Variants in PDE3A observed in about 807,000 individuals in gnomAD.
The protein encoded by PDE3A is phosphodiesterase 3A, also known as cGMP-inhibited 3',5'-cyclic phosphodiesterase 3A.
PDE3A carries 43 observed loss-of-function variants against 98.3 expected under a neutral mutation model. The observed-to-expected ratio is 0.44, with a 90% CI of 0.34 to 0.56. The LOEUF is 0.56. Among genes scored for constraint, PDE3A ranks in the 20% least tolerant of loss-of-function variants. The pLI is 0.01. For synonymous variants in PDE3A, 663 were observed against 567.9 expected, an observed-to-expected ratio of 1.17 and a Z score of -2.38; for missense variants, 1,427 against 1,440.7, an observed-to-expected ratio of 0.99 and a Z score of 0.15.
At chr12:20,371,323 C>T in intron 1 of PDE3A, 1 of 984,074 alleles carries the variant, frequency 1.0e-6, no homozygotes, top group Non-Finnish European at 1.2e-6. Flanking sequence ...CAGATTTGTT[C>T]ACCTCTCTAT....
chr12:20,601,323 A>G (rs1187524502), intron 2 of PDE3A, among the ~76,000 whole-genome samples: 1 of 152,164 alleles, frequency 6.6e-6, no homozygotes, highest in Non-Finnish European at 1.5e-5. Context: ...CCCAATAGGC[A>G]TTAACGTGGA....
intron 15 of PDE3A, among the ~76,000 whole-genome samples, chr12:20,658,816 G>A (rs948480890): frequency 3.9e-5 from 6 of 152,082 alleles, no homozygotes; most frequent in South Asian, 2.1e-4. Flanking sequence ...GAGGCTGGGA[G>A]AAGATTTATC....
intron 1 of PDE3A, among the ~76,000 whole-genome samples, chr12:20,384,595 T>G (rs1591866805): frequency 6.6e-6 from 1 of 151,938 alleles, no homozygotes; most frequent in Non-Finnish European, 1.5e-5. Flanking sequence ...TAGGTAAACA[T>G]ATACTATGGT....
intron 1 of PDE3A, among the ~76,000 whole-genome samples, chr12:20,516,315 A>G (rs1184263463): frequency 1.3e-5 from 2 of 152,130 alleles, no homozygotes; most frequent in African/African-American, 2.4e-5. Context: ...CCGTTGATGA[A>G]TTTCATTTAT....
chr12:20,529,714 T>A (rs1010069063), intron 1 of PDE3A, among the ~76,000 whole-genome samples: 3 of 152,122 alleles, frequency 2.0e-5, no homozygotes, highest in African/African-American at 7.2e-5. Flanking sequence ...CATAGGCCTG[T>A]TGACATCTAG....
chr12:20,369,553 A>G lies in PDE3A; in HGVS notation c.269A>G (p.Glu90Gly), dbSNP rs372953537. 223 of 1,558,582 alleles carry G rather than the reference A, an allele frequency of 1.4e-4. No individual in the cohort carries two copies. The African/African-American group carries it at 2.7e-3, about 19-fold the overall frequency. Reference protein sequence around the residue: ...LVRGEVGCDLEQCKEAAAAEE... With the variant: ...LVRGEVGCDLGQCKEAAAAEE... ...CGCGGGGAGGTCGGCTGTGACCTGG[A>G]GCAGTGTAAGGAGGCGGCGGCGGCG... is the stretch of plus-strand genomic sequence containing the variant. The change falls in exon 1 of 16, where the codon GAG becomes GGG. Residue 90 changes from glutamate (E) to glycine (G), a missense_variant. Transcript: ENST00000359062.
chr12:20,545,477 C>G (rs533582551), intron 1 of PDE3A, among the ~76,000 whole-genome samples: 10 of 152,064 alleles, frequency 6.6e-5, no homozygotes, highest in Non-Finnish European at 1.5e-4. Flanking sequence ...TGGAATTTAG[C>G]TAGTTATCAC....
chr12:20,419,265 T>C (rs915834917), intron 1 of PDE3A, among the ~76,000 whole-genome samples: 4 of 139,076 alleles, frequency 2.9e-5, no homozygotes, highest in African/African-American at 9.9e-5. Context: ...CGTTTCTTTT[T>C]TATTTTATTT....
At chr12:20,658,942 A>G (rs1007664535) in intron 15 of PDE3A, among the ~76,000 whole-genome samples, 1 of 152,102 alleles carries the variant, frequency 6.6e-6, no homozygotes, top group African/African-American at 2.4e-5. Flanking sequence ...TGTCAAACTG[A>G]GAGAAATGGC....
intron 5 of PDE3A, among the ~76,000 whole-genome samples, chr12:20,628,268 A>G (rs1260421724): frequency 6.6e-6 from 1 of 152,194 alleles, no homozygotes; most frequent in African/African-American, 2.4e-5. Context: ...ATTCTGAGTT[A>G]AAACCTTTGT....
intron 2 of PDE3A, among the ~76,000 whole-genome samples, chr12:20,574,968 G>C (rs1056841279): frequency 6.6e-6 from 1 of 151,822 alleles, no homozygotes; most frequent in African/African-American, 2.4e-5. Flanking sequence ...TCGAAACCAA[G>C]CCCCCAAATG....
chr12:20,616,472 C>A, intron 4 of PDE3A, 88 bp downstream of exon 4: 1 of 1,295,696 alleles, frequency 7.7e-7, no homozygotes, highest in South Asian at 1.3e-5. Context: ...GGAAGGCTAA[C>A]CAATTACATT....
chr12:20,547,398 C>G (rs1942087159), intron 1 of PDE3A, among the ~76,000 whole-genome samples: 1 of 152,238 alleles, frequency 6.6e-6, no homozygotes, highest in South Asian at 2.1e-4. Flanking sequence ...CAGTTTGTGC[C>G]TAGAACAGTG....
At chr12:20,536,983 A>G (rs1835766164) in intron 1 of PDE3A, among the ~76,000 whole-genome samples, 1 of 152,038 alleles carries the variant, frequency 6.6e-6, no homozygotes, top group South Asian at 2.1e-4. Context: ...TCCAAAGTGA[A>G]TGCATCACTT....
intron 2 of PDE3A, among the ~76,000 whole-genome samples, chr12:20,569,519 T>C (rs971366747): frequency 9.2e-5 from 14 of 152,266 alleles, no homozygotes; most frequent in African/African-American, 3.4e-4. Flanking sequence ...AAGAGAAGAA[T>C]TGTAAAACCC....
chr12:20,561,822 T>C (rs537289725), intron 2 of PDE3A, among the ~76,000 whole-genome samples: 1 of 152,320 alleles, frequency 6.6e-6, no homozygotes, highest in East Asian at 1.9e-4. Context: ...TACCTATCTC[T>C]CTTCTAGCAA....
intron 2 of PDE3A, among the ~76,000 whole-genome samples, chr12:20,568,538 G>A (rs1444923422): frequency 6.6e-6 from 1 of 151,858 alleles, no homozygotes; most frequent in East Asian, 1.9e-4. Context: ...TAGAAGCATA[G>A]GAGAGGCTGT....
rs544535542 is a variant in PDE3A at position 20,404,853 on chromosome 12, A to T, written c.960+34609A>T. Among the ~76,000 whole-genome samples the T allele has an allele frequency of 5.0e-5, 4 of 80,600 alleles. No individual in the cohort carries two copies. In the South Asian group the frequency reaches 1.6e-3, roughly 33 times the overall value. The allele number at this position is 80,600 out of a possible 152,430, so 52.9% of individuals were successfully genotyped here. On this transcript the variant is annotated intron_variant, in intron 1 of 15. Coordinates refer to ENST00000359062, the MANE Select transcript of PDE3A (RefSeq NM_000921.5). The stretch of plus-strand genomic sequence containing the variant: ...TTTTTTTTTTTTTTTTTTTTTGAGC[A>T]GGAACTAGCATGTAAATCCTTTCTT...
At chr12:20,557,493 G>C (rs1174434311) in intron 2 of PDE3A, among the ~76,000 whole-genome samples, 1 of 152,066 alleles carries the variant, frequency 6.6e-6, no homozygotes, top group Non-Finnish European at 1.5e-5. Context: ...GGAAATTTTT[G>C]CTTCTATTGC....
Sources: gnomAD v4.1 joint callset for allele counts (sites outside exome capture counted in the v4.1 genomes callset) on GRCh38, gnomAD v4.1.1 for gene constraint, MANE v1.5 for transcripts, NCBI Gene and HGNC (gene_info 2026-07-23, HGNC 2026-07-21) for gene names.